KATNAL1: variants seen among roughly 807,000 people sequenced by gnomAD.
The protein encoded by KATNAL1 is katanin p60 ATPase-containing subunit A-like 1.
Under a neutral mutation model 55.2 loss-of-function variants are expected in KATNAL1, and 32 were observed. The observed-to-expected ratio is 0.58, with a 90% CI of 0.44 to 0.78. The LOEUF is 0.78. Ranked by LOEUF, KATNAL1 falls within the 30% of genes least tolerant of loss-of-function variation. The pLI is 0.00. For synonymous variants in KATNAL1, 193 were observed against 193.6 expected, an observed-to-expected ratio of 1.00 and a Z score of 0.02; for missense variants, 466 against 600.9, an observed-to-expected ratio of 0.78 and a Z score of 2.35.
intron 1 of KATNAL1, among the ~76,000 whole-genome samples, chr13:30,301,230 C>A (rs1048585795): frequency 1.3e-5 from 2 of 152,074 alleles, no homozygotes; most frequent in Non-Finnish European, 2.9e-5. Context: ...ATTAGCGGGG[C>A]GTGGTAGCGA....
At chr13:30,249,513 A>G (rs1370980862) in intron 4 of KATNAL1, among the ~76,000 whole-genome samples, 4 of 152,228 alleles carry the variant, frequency 2.6e-5, no homozygotes, top group African/African-American at 7.2e-5. Flanking sequence ...ATCCATTAAT[A>G]AGAAAACAGA....
At chr13:30,223,552 C>T (rs1046705460) in intron 9 of KATNAL1, among the ~76,000 whole-genome samples, 2 of 149,572 alleles carry the variant, frequency 1.3e-5, no homozygotes, top group Non-Finnish European at 3.0e-5. Context: ...AAAAGAAAGA[C>T]GGTAAGGCTA....
chr13:30,280,392 G>A (rs932865995), intron 2 of KATNAL1, among the ~76,000 whole-genome samples, 169 bp from the exon 3 acceptor site: 8 of 152,072 alleles, frequency 5.3e-5, no homozygotes, highest in African/African-American at 1.9e-4. Context: ...TGAGAAAAGG[G>A]TAGAAATTAG....
At chr13:30,271,921 G>A (rs941629242) in intron 3 of KATNAL1, among the ~76,000 whole-genome samples, 1 of 142,674 alleles carries the variant, frequency 7.0e-6, no homozygotes, top group Admixed American at 7.1e-5. Flanking sequence ...TAATGTCACA[G>A]AAGCCTTAGG....
At chr13:30,266,980 G>C (rs542231319) in intron 3 of KATNAL1, among the ~76,000 whole-genome samples, 1 of 152,060 alleles carries the variant, frequency 6.6e-6, no homozygotes, top group Non-Finnish European at 1.5e-5. Context: ...TCAGTGTTTC[G>C]GATGAGCCAT....
At chr13:30,296,678 T>C (rs1882522359) in intron 1 of KATNAL1, 2 of 652,034 alleles carry the variant, frequency 3.1e-6, no homozygotes, top group Non-Finnish European at 5.9e-6. Flanking sequence ...AGCTTGGCAG[T>C]GACACAATTA....
chr13:30,304,543 C>T (rs1200064949), intron 1 of KATNAL1, among the ~76,000 whole-genome samples: 1 of 152,178 alleles, frequency 6.6e-6, no homozygotes. Context: ...GCTGGGATTA[C>T]AGGCGCGAGC....
intron 9 of KATNAL1, among the ~76,000 whole-genome samples, chr13:30,225,701 G>A (rs891086533): frequency 1.4e-5 from 2 of 142,698 alleles, no homozygotes; most frequent in Non-Finnish European, 3.1e-5. Flanking sequence ...CATTCAAGAG[G>A]AATCACAGAT....
intron 1 of KATNAL1, chr13:30,296,477 G>C: frequency 1.5e-6 from 1 of 656,062 alleles, no homozygotes; most frequent in Non-Finnish European, 2.8e-6. Context: ...GGCAATCTGA[G>C]GATTACGGTG....
In KATNAL1 at chr13:30,249,520, C is replaced by A. The variant is rs568157310; in HGVS notation, c.492+5927G>T. ...ACCCAAATATCCATTAATAAGAAAA[C>A]AGATTTTAACTGTGATATACTACTA... On this transcript the variant is annotated intron_variant, in intron 4 of 10. Transcript: ENST00000380615. Among the ~76,000 whole-genome samples, 3 of 152,276 alleles carry A rather than the reference C, an allele frequency of 2.0e-5. No individual in the cohort carries two copies. The East Asian group carries it at 5.8e-4, about 29-fold the overall frequency.
chr13:30,257,817 C>G (rs546321890), intron 3 of KATNAL1, among the ~76,000 whole-genome samples: 1 of 152,326 alleles, frequency 6.6e-6, no homozygotes, highest in East Asian at 1.9e-4. Context: ...GGCAAGGCCC[C>G]TGTCTCATAG....
At chr13:30,294,673 T>C (rs1882363083) in intron 1 of KATNAL1, among the ~76,000 whole-genome samples, 1 of 152,230 alleles carries the variant, frequency 6.6e-6, no homozygotes, top group South Asian at 2.1e-4. Context: ...AGATTTTCAA[T>C]GTAGACAAAA....
rs773792186 is a variant in KATNAL1, at chr13:30,283,611, C to A, written c.162+5G>T. On this transcript the variant is annotated splice_donor_5th_base_variant and intron_variant, in intron 2 of 10. Coordinates refer to ENST00000380615, the MANE Select transcript of KATNAL1 (RefSeq NM_032116.5). ...AACTCATCTAATACTTTAATACCAT[C>A]TTACCTGTTGCCATTTGCCTTTGAT... is the stretch of plus-strand genomic sequence containing the variant. 9 of 1,613,610 alleles carry A rather than the reference C, an allele frequency of 5.6e-6. No individual in the cohort carries two copies. Among genetic ancestry groups the A allele is most frequent in the Admixed American group, 1.7e-5 (1 of 60,006 alleles).
In KATNAL1 at chr13:30,205,923, ATAGTGTGTGT is replaced by A. The variant is rs1413853511; in HGVS notation, c.*2607_*2616del. 3.7e-5 allele frequency: 4 copies of A among 107,164 alleles called. No homozygotes were observed. The highest frequency in any genetic ancestry group is 7.6e-5 in the Non-Finnish European group (4 of 52,480). 6.6% of individuals were successfully genotyped at this position (107,164 alleles called of 1,614,324 possible). ...GTAAGGCAACACACTGTCTTCTGAA[ATAGTGTGTGT>A]GTGTGTGTGTGTGTGTGTGTGTGTG... On this transcript the variant is annotated 3_prime_UTR_variant, in exon 11 of 11. Coordinates refer to ENST00000380615, the MANE Select transcript of KATNAL1 (RefSeq NM_032116.5).
chr13:30,263,912 C>T (rs1214951657), intron 3 of KATNAL1, among the ~76,000 whole-genome samples: 5 of 149,546 alleles, frequency 3.3e-5, no homozygotes, highest in Admixed American at 6.7e-5. Flanking sequence ...GAGCCCACAT[C>T]GCAAAGTCAA....
chr13:30,265,904 T>G (rs975595609), intron 3 of KATNAL1, among the ~76,000 whole-genome samples: 3 of 147,904 alleles, frequency 2.0e-5, no homozygotes, highest in Non-Finnish European at 4.5e-5. Flanking sequence ...CCCAGCTACT[T>G]GAGAGGCGGG....
At chr13:30,269,316 G>A (rs1168980303) in intron 3 of KATNAL1, among the ~76,000 whole-genome samples, 2 of 152,216 alleles carry the variant, frequency 1.3e-5, no homozygotes, top group African/African-American at 4.8e-5. Context: ...GCTCCTAACC[G>A]CGAGTGATCC....
intron 1 of KATNAL1, chr13:30,296,289 CT>C: frequency 8.2e-7 from 1 of 1,218,794 alleles, no homozygotes; most frequent in Non-Finnish European, 1.2e-6. Context: ...CTGGACTTCA[CT>C]TTTGTGTGCC....
At chr13:30,222,141 G>A (rs1255435505) in intron 9 of KATNAL1, among the ~76,000 whole-genome samples, 1 of 152,186 alleles carries the variant, frequency 6.6e-6, no homozygotes, top group Non-Finnish European at 1.5e-5. Context: ...TGGACTTTGA[G>A]TAAAGCAGAT....
Sources: allele counts gnomAD v4.1 joint callset (sites outside exome capture counted in the v4.1 genomes callset), GRCh38; gene constraint gnomAD v4.1.1; transcripts MANE v1.5; gene names NCBI Gene and HGNC (gene_info 2026-07-23, HGNC 2026-07-21).